The following SSBP2 variants were observed in gnomAD, a reference collection of about 807,000 sequenced individuals.
SSBP2 encodes single stranded DNA binding protein 2.
SSBP2 carries 17 observed loss-of-function variants against 61.8 expected under a neutral mutation model. The ratio of observed to expected loss-of-function variants is 0.28; its 90% CI spans 0.19 to 0.41. SSBP2 has a LOEUF of 0.41. SSBP2 is among the 10% of genes least tolerant of loss of function. The probability of loss-of-function intolerance (pLI) is 1.00; values close to 1 mark genes in which losing one functional copy is unlikely to be tolerated. For synonymous variants in SSBP2, 139 were observed against 141.3 expected, an observed-to-expected ratio of 0.98 and a Z score of 0.12; for missense variants, 310 against 458.7, an observed-to-expected ratio of 0.68 and a Z score of 2.96.
intron 1 of SSBP2, among the ~76,000 whole-genome samples, chr5:81,727,238 T>C (rs1482298812): frequency 1.3e-5 from 2 of 152,182 alleles, no homozygotes; most frequent in Non-Finnish European, 2.9e-5. Flanking sequence ...ACAACATTGT[T>C]GGGGGTATTA....
chr5:81,556,997 C>A (rs1772657148), intron 4 of SSBP2, among the ~76,000 whole-genome samples: 1 of 152,138 alleles, frequency 6.6e-6, no homozygotes, highest in Admixed American at 6.6e-5. Context: ...GTTTTTCTCT[C>A]ACCTCTGTGA....
At chr5:81,664,860 A>G (rs1326985966) in intron 1 of SSBP2, among the ~76,000 whole-genome samples, 1 of 152,202 alleles carries the variant, frequency 6.6e-6, no homozygotes, top group African/African-American at 2.4e-5. Context: ...GAAGTCTGCC[A>G]AAGATCAGAT....
In SSBP2 at chr5:81,714,076, G is replaced by A. The variant is rs910947962; in HGVS notation, c.62+36905C>T. On this transcript the variant is annotated intron_variant, in intron 1 of 16. Transcript: ENST00000320672. ...TCCCCTAGGCCCCCATCCCCCAACA[G>A]GCCCTGGTGTGTGGTGTTTCCCTCC... 8.6e-5 allele frequency among the ~76,000 whole-genome samples: 13 copies of A among 151,970 alleles called. 1 individual carries two copies. Among genetic ancestry groups the A allele is most frequent in the Non-Finnish European group, 1.9e-4 (13 of 67,996 alleles).
At chr5:81,510,693 G>T (rs1040945578) in intron 5 of SSBP2, among the ~76,000 whole-genome samples, 1 of 151,942 alleles carries the variant, frequency 6.6e-6, no homozygotes, top group Non-Finnish European at 1.5e-5. Flanking sequence ...CCCAGAAGGC[G>T]GAGGTTGCGG....
intron 9 of SSBP2, among the ~76,000 whole-genome samples, chr5:81,464,757 C>T (rs774753351): frequency 7.2e-5 from 11 of 151,992 alleles, no homozygotes; most frequent in Admixed American, 3.3e-4. Context: ...CAAGACAGAG[C>T]GTAAGGTAAC....
intron 1 of SSBP2, among the ~76,000 whole-genome samples, chr5:81,714,604 G>A (rs1370300806): frequency 2.0e-5 from 3 of 152,224 alleles, no homozygotes; most frequent in Admixed American, 2.0e-4. Context: ...TAACTGGCAT[G>A]AGATGGTATC....
intron 4 of SSBP2, among the ~76,000 whole-genome samples, chr5:81,583,168 G>C (rs1054162377): frequency 2.6e-5 from 4 of 152,152 alleles, no homozygotes; most frequent in African/African-American, 9.6e-5. Flanking sequence ...AGTGAGCTAT[G>C]ATCATGCTAC....
chr5:81,523,084 G>A (rs187120204), intron 4 of SSBP2, among the ~76,000 whole-genome samples: 3 of 151,956 alleles, frequency 2.0e-5, no homozygotes, highest in Non-Finnish European at 4.4e-5. Context: ...AAATAAGAGT[G>A]CTGTGACTGG....
chr5:81,470,152 T>A (rs1213418663), intron 8 of SSBP2, among the ~76,000 whole-genome samples: 1 of 151,928 alleles, frequency 6.6e-6, no homozygotes, highest in African/African-American at 2.4e-5. Flanking sequence ...AAGTTTCTAT[T>A]TGTATATAAC....
Position 81,464,480 on chromosome 5 carries a change from T to C in SSBP2, c.638+2494A>G, listed in dbSNP as rs79640459. On this transcript the variant is annotated intron_variant, in intron 9 of 16. Coordinates refer to ENST00000320672, the MANE Select transcript of SSBP2 (RefSeq NM_012446.5). ...GACACAATATAATTTATCCTAAGTT[T>C]AGAGCATGAAAACAAAGTTTTTTAA... Among the ~76,000 whole-genome samples the C allele has an allele frequency of 5.8e-3, 888 of 152,266 alleles. 6 individuals are homozygous for C. The highest frequency in any genetic ancestry group is 0.02 in the African/African-American group (829 of 41,574).
chr5:81,577,610 A>G (rs1774310999), intron 4 of SSBP2, among the ~76,000 whole-genome samples: 1 of 152,078 alleles, frequency 6.6e-6, no homozygotes, highest in African/African-American at 2.4e-5. Context: ...CAAATAGAAT[A>G]AGGAAAGCAG....
At chr5:81,574,055 G>A (rs1244936159) in intron 4 of SSBP2, among the ~76,000 whole-genome samples, 8 of 152,062 alleles carry the variant, frequency 5.3e-5, no homozygotes, top group Non-Finnish European at 1.0e-4. Context: ...GCAGGAGAAC[G>A]GCATGAATCC....
intron 4 of SSBP2, among the ~76,000 whole-genome samples, chr5:81,550,732 A>T (rs1044054785): frequency 1.3e-5 from 2 of 152,244 alleles, no homozygotes; most frequent in African/African-American, 4.8e-5. Context: ...GGAATCATAG[A>T]TAAGAACTTA....
chr5:81,589,512 G>C (rs1475514608), intron 4 of SSBP2, among the ~76,000 whole-genome samples: 3 of 152,054 alleles, frequency 2.0e-5, no homozygotes, highest in Non-Finnish European at 4.4e-5. Flanking sequence ...AATTTGTATA[G>C]TTTTACATTT....
At chr5:81,615,305 CCTTT>C (rs1346318487) in intron 4 of SSBP2, 164 bp downstream of exon 4, 7 of 625,052 alleles carry the variant, frequency 1.1e-5, no homozygotes, top group Middle Eastern at 4.3e-4. Context: ...CTCAAATGCC[CCTTT>C]CTATTTCACA....
chr5:81,465,083 G>T (rs1764798989), intron 9 of SSBP2, among the ~76,000 whole-genome samples: 1 of 151,838 alleles, frequency 6.6e-6, no homozygotes, highest in Non-Finnish European at 1.5e-5. Context: ...GTGTAAAAAT[G>T]TAAATATTTA....
chr5:81,644,242 G>T (rs7709105), intron 2 of SSBP2, among the ~76,000 whole-genome samples: 1 of 152,080 alleles, frequency 6.6e-6, no homozygotes, highest in Non-Finnish European at 1.5e-5. Context: ...ACCTCTTATT[G>T]GGAAAACTCC....
intron 4 of SSBP2, among the ~76,000 whole-genome samples, chr5:81,523,734 T>C (rs13355366): frequency 0.11 from 16,913 of 152,072 alleles, 1,011 homozygotes; most frequent in African/African-American, 0.14. Flanking sequence ...TACAGCCACA[T>C]GGTCAAACTC....
chr5:81,431,270 T>G (rs1268343641), intron 15 of SSBP2, among the ~76,000 whole-genome samples: 1 of 152,158 alleles, frequency 6.6e-6, no homozygotes, highest in Admixed American at 6.5e-5. Context: ...TTAGATACAT[T>G]AGGCCCATCG....
Sources: allele counts gnomAD v4.1 joint callset (sites outside exome capture counted in the v4.1 genomes callset), GRCh38; gene constraint gnomAD v4.1.1; transcripts MANE v1.5; gene names NCBI Gene and HGNC (gene_info 2026-07-23, HGNC 2026-07-21).